Variants in KIF9 observed in about 807,000 individuals in gnomAD.
KIF9 encodes the protein kinesin-like protein KIF9.
A neutral mutation model predicts 94.8 loss-of-function variants in KIF9; 68 were observed. That is an observed-to-expected ratio of 0.72 (90% CI 0.59 to 0.88). KIF9 has a LOEUF of 0.88. Ranked by LOEUF, KIF9 falls within the 40% of genes least tolerant of loss-of-function variation. The pLI is 0.00. For synonymous variants in KIF9, 343 were observed against 362.1 expected (o/e 0.95, Z 0.60); for missense variants, 882 against 982.5 (o/e 0.90, Z 1.37).
intron 16 of KIF9, among the ~76,000 whole-genome samples, chr3:47,241,881 TATA>T (rs1462169150): frequency 5.7e-4 from 53 of 93,626 alleles, no homozygotes; most frequent in African/African-American, 1.6e-3. Flanking sequence ...TATATATATA[TATA>T]TTTTTTTTTT....
intron 1 of KIF9, among the ~76,000 whole-genome samples, chr3:47,280,155 A>G (rs1702239372): frequency 6.6e-6 from 1 of 151,994 alleles, no homozygotes; most frequent in African/African-American, 2.4e-5. Flanking sequence ...ATGGGGTTTC[A>G]ACATGTTGCC....
At chr3:47,261,102 G>A (rs1182290099) in intron 9 of KIF9, among the ~76,000 whole-genome samples, 7 of 152,216 alleles carry the variant, frequency 4.6e-5, no homozygotes, top group East Asian at 3.8e-4. Context: ...TGGAATGTTC[G>A]TTAGCCTTTG....
chr3:47,240,014 G>A, intron 17 of KIF9: 1 of 1,154,920 alleles, frequency 8.7e-7, no homozygotes, highest in Non-Finnish European at 1.2e-6. Context: ...TAAAATGCAG[G>A]TCCTGGGCCC....
intron 15 of KIF9, chr3:47,243,556 G>T (rs751051614): frequency 1.0e-4 from 21 of 210,096 alleles, no homozygotes; most frequent in Non-Finnish European, 1.7e-4. Context: ...TGGGCCACAG[G>T]TTCTCAGGAA....
intron 20 of KIF9, among the ~76,000 whole-genome samples, chr3:47,231,263 G>T (rs769979081): frequency 6.6e-6 from 1 of 152,074 alleles, no homozygotes; most frequent in Non-Finnish European, 1.5e-5. Flanking sequence ...GAACAGAAAA[G>T]AACGTCTTCA....
intron 10 of KIF9, among the ~76,000 whole-genome samples, chr3:47,256,513 G>A (rs1453329656): frequency 1.3e-5 from 2 of 151,650 alleles, no homozygotes; most frequent in Non-Finnish European, 2.9e-5. Context: ...CGTCTGGGAG[G>A]GAGGTGGGGG....
chr3:47,265,376 T>C (rs1185181352), intron 8 of KIF9, among the ~76,000 whole-genome samples: 1 of 151,962 alleles, frequency 6.6e-6, no homozygotes, highest in Non-Finnish European at 1.5e-5. Context: ...CGCTGCTCTG[T>C]ACAGGAGGCT....
chr3:47,247,257 C>A, intron 12 of KIF9, 116 bp downstream of exon 12: 1 of 686,896 alleles, frequency 1.5e-6, no homozygotes, highest in Non-Finnish European at 2.7e-6. Context: ...CACCACCCTC[C>A]ACCCACTGCA....
chr3:47,235,514 T>C lies in KIF9; in HGVS notation c.2321A>G (p.Lys774Arg), dbSNP rs1234738351. Residue 774 changes from lysine (K) to arginine (R), a missense_variant and splice_region_variant, in exon 20 of 21, where the codon AAG (lysine) becomes AGG (arginine). By Grantham distance (26) the Lys-to-Arg change is conservative. Coordinates refer to ENST00000684063, the MANE Select transcript of KIF9 (RefSeq NM_182902.4). ...TGGAGACATAGGCCTCTGAGTTACC[T>C]TCTGCTCTATCTTGACTTTGGCATT... The part of the protein sequence containing the change: ...FYNAKVKIEQ[K>R]HNYLKTMMGL... 6 of 1,610,402 alleles carry C rather than the reference T, an allele frequency of 3.7e-6. No homozygotes were observed. Among genetic ancestry groups the C allele is most frequent in the Non-Finnish European group, 5.1e-6 (6 of 1,176,572 alleles).
Position 47,244,937 on chromosome 3 carries a change from G to A in KIF9, c.1381-13C>T. 1.9e-6 allele frequency: 3 copies of A among 1,613,850 alleles called. No individual in the cohort carries two copies. Among genetic ancestry groups the A allele is most frequent in the Middle Eastern group, 3.3e-4 (2 of 6,050 alleles). On this transcript the variant is annotated splice_polypyrimidine_tract_variant and intron_variant, in intron 14 of 20. Coordinates refer to ENST00000684063, the MANE Select transcript of KIF9 (RefSeq NM_182902.4). ...CCACAAGCCCCGCCTACATAGAGAG[G>A]CCAGCCAAAGGTCTGTGAGTTAGAT...
Position 47,271,310 on chromosome 3 carries a change from T to G in KIF9, c.518A>C (p.Gln173Pro). ...VTPMTIVENPQGVFIKGLSVH... is the reference protein window; with the variant it reads ...VTPMTIVENPPGVFIKGLSVH... Reference sequence around the variant, plus strand: ...TGACAAGCCCTTAATGAAGACTCCTTGAGGGTTTTCCACGATGGTCATTGG... The same window carrying G: ...TGACAAGCCCTTAATGAAGACTCCTGGAGGGTTTTCCACGATGGTCATTGG... Residue 173 changes from glutamine (Q) to proline (P), a missense_variant, in exon 5 of 21, where the codon CAA becomes CCA. Coordinates refer to ENST00000684063, the MANE Select transcript of KIF9 (RefSeq NM_182902.4). 1 of 1,614,030 alleles carries G rather than the reference T, an allele frequency of 6.2e-7. No homozygotes were observed. The highest frequency in any genetic ancestry group is 8.5e-7 in the Non-Finnish European group (1 of 1,179,978).
chr3:47,233,199 T>C (rs1234604478), intron 20 of KIF9, among the ~76,000 whole-genome samples: 8 of 145,048 alleles, frequency 5.5e-5, no homozygotes, highest in African/African-American at 2.1e-4. Flanking sequence ...TGTCTTTACT[T>C]AAAATACAAA....
At chr3:47,244,597 G>A in intron 15 of KIF9, 194 bp downstream of exon 15, 1 of 656,452 alleles carries the variant, frequency 1.5e-6, no homozygotes, top group East Asian at 2.6e-5. Flanking sequence ...GTGAGGACGA[G>A]AGATGATTCT....
chr3:47,236,160 G>A lies in KIF9; in HGVS notation c.2102-11C>T, dbSNP rs375567605. 24 of 1,595,682 alleles carry A rather than the reference G, an allele frequency of 1.5e-5. No homozygotes were observed. The highest frequency in any genetic ancestry group is 1.7e-4 in the Middle Eastern group (1 of 6,048). On this transcript the variant is annotated splice_polypyrimidine_tract_variant and intron_variant, in intron 18 of 20. Transcript: ENST00000684063. ...ACCAGATGTCAAATTCTACAAGGAG[G>A]TGAGGAGACAGAACTTGAGGAAGCC...
intron 20 of KIF9, among the ~76,000 whole-genome samples, chr3:47,235,190 C>T (rs2107060675): frequency 6.6e-6 from 1 of 152,342 alleles, no homozygotes; most frequent in East Asian, 1.9e-4. Flanking sequence ...TGTCCCCTGC[C>T]ACCTGTGCAG....
Position 47,243,111 on chromosome 3 carries a change from T to C in KIF9, c.1649A>G (p.Glu550Gly), listed in dbSNP as rs775988043. Residue 550 changes from glutamate (E) to glycine (G), a missense_variant, in exon 16 of 21, where the codon GAA becomes GGA. Coordinates refer to ENST00000684063, the MANE Select transcript of KIF9 (RefSeq NM_182902.4). ...DVKDMLSRDR[E>G]TSSIEPLPSD... ...GGGAAGGGGCTCAATGCTGGAAGTTTCCCGGTCCCGCGAAAGCATGTCTTT... is the reference window on the plus strand; with the variant it reads ...GGGAAGGGGCTCAATGCTGGAAGTTCCCCGGTCCCGCGAAAGCATGTCTTT... The C allele has an allele frequency of 2.5e-6, 4 of 1,613,922 alleles. No individual in the cohort carries two copies. The highest frequency in any genetic ancestry group is 3.4e-6 in the Non-Finnish European group (4 of 1,179,844).
chr3:47,260,929 G>T (rs1029525855), intron 9 of KIF9, among the ~76,000 whole-genome samples: 1 of 152,234 alleles, frequency 6.6e-6, no homozygotes, highest in African/African-American at 2.4e-5. Context: ...CATCTCAGGT[G>T]GACTGAGACA....
chr3:47,271,821 C>T (rs908194011), intron 4 of KIF9, among the ~76,000 whole-genome samples: 1 of 152,018 alleles, frequency 6.6e-6, no homozygotes, highest in Admixed American at 6.6e-5. Flanking sequence ...GAAGGCACTA[C>T]AAAATAAAAT....
At position 47,282,723 on chromosome 3, in the gene KIF9, A is replaced by G. The variant is rs1457599231; in HGVS notation, c.-234T>C. 3.7e-4 allele frequency: 517 copies of G among 1,407,692 alleles called. 4 individuals are homozygous for G. The highest frequency in any genetic ancestry group is 4.7e-5 in the Non-Finnish European group (51 of 1,081,964). The allele number at this position is 1,407,692 out of a possible 1,614,324, so 87.2% of individuals were successfully genotyped here. The stretch of plus-strand genomic sequence containing the variant: ...CGAGAGATGGGGCCGATTGATCTAG[A>G]AAGACTTCGGCGGATGCACATGCGA... On this transcript the variant is annotated 5_prime_UTR_variant, in exon 1 of 21. Transcript: ENST00000684063.
Sources: allele counts gnomAD v4.1 joint callset (sites outside exome capture counted in the v4.1 genomes callset), GRCh38; gene constraint gnomAD v4.1.1; transcripts MANE v1.5; gene names NCBI Gene and HGNC (gene_info 2026-07-23, HGNC 2026-07-21).